TENM1: variants seen among roughly 807,000 people sequenced by gnomAD.
TENM1 encodes teneurin transmembrane protein 1, also known as teneurin-1.
In TENM1, 35 loss-of-function variants were observed where a neutral mutation model predicts 174.8. That is an observed-to-expected ratio of 0.20 (90% CI 0.15 to 0.27). TENM1 has a LOEUF of 0.27. Ranked by LOEUF, TENM1 falls within the 10% of genes least tolerant of loss-of-function variation. TENM1 has a pLI of 1.00. For missense variants in TENM1, 1,633 were observed against 2,130.1 expected (o/e 0.77, Z 4.59); for synonymous variants, 781 against 798.7 (o/e 0.98, Z 0.37).
chrX:125,020,120 C>T, the TENM1 span, among the ~76,000 whole-genome samples: 3 of 111,187 alleles, frequency 2.7e-5, no homozygotes, highest in Admixed American at 2.9e-4. Flanking sequence ...TCCATCCACA[C>T]TAGCAGGAGT....
chrX:124,497,136 T>C, exon 20 of TENM1: 1 of 1,210,424 alleles, frequency 8.3e-7, no homozygotes, highest in Non-Finnish European at 1.1e-6. Flanking sequence ...AAAGAGTTTG[T>C]TGTTGTGGGC....
chrX:125,144,653 G>A, the TENM1 span, among the ~76,000 whole-genome samples: 2 of 111,708 alleles, frequency 1.8e-5, no homozygotes, highest in Admixed American at 1.9e-4. Flanking sequence ...TCCACATCTG[G>A]AGGTAACGAA....
At chrX:124,916,499 A>G (rs2147659966) in intron 1 of TENM1, among the ~76,000 whole-genome samples, 1 of 110,948 alleles carries the variant, frequency 9.0e-6, no homozygotes. Flanking sequence ...TTTTGTAGAG[A>G]TGGGGGTCTC....
At chrX:124,920,893 T>C (rs994694711) in intron 1 of TENM1, among the ~76,000 whole-genome samples, 1 of 110,023 alleles carries the variant, frequency 9.1e-6, no homozygotes, top group Non-Finnish European at 1.9e-5. Flanking sequence ...CTGTTGTTTA[T>C]GGGCATTCAA....
the TENM1 span, among the ~76,000 whole-genome samples, chrX:125,084,060 G>C: frequency 9.0e-6 from 1 of 111,371 alleles, no homozygotes; most frequent in Non-Finnish European, 1.9e-5. Context: ...ATAGAAGACA[G>C]GAAGGATTTT....
intron 20 of TENM1, among the ~76,000 whole-genome samples, chrX:124,490,756 A>C (rs1003496417): frequency 5.4e-5 from 6 of 112,146 alleles, no homozygotes; most frequent in Non-Finnish European, 1.1e-4. Flanking sequence ...GGTTTTTATA[A>C]AGAATAAATC....
the TENM1 span, among the ~76,000 whole-genome samples, chrX:125,148,373 TA>T: frequency 1.8e-5 from 2 of 111,386 alleles, no homozygotes; most frequent in African/African-American, 6.5e-5. Context: ...GGTTTTCCTG[TA>T]GTCCAATTAT....
At chrX:124,901,896 T>C (rs1321602331) in intron 1 of TENM1, among the ~76,000 whole-genome samples, 1 of 111,794 alleles carries the variant, frequency 8.9e-6, no homozygotes, top group Non-Finnish European at 1.9e-5. Context: ...ACCTGAGAAA[T>C]TTGGGATATA....
chrX:125,176,758 T>G, the TENM1 span, among the ~76,000 whole-genome samples: 1 of 112,081 alleles, frequency 8.9e-6, no homozygotes, highest in Non-Finnish European at 1.9e-5. Flanking sequence ...TGTACTTAAC[T>G]GAAAACCAGC....
At chrX:125,001,436 C>A in the TENM1 span, among the ~76,000 whole-genome samples, 1 of 111,264 alleles carries the variant, frequency 9.0e-6, no homozygotes, top group African/African-American at 3.3e-5. Flanking sequence ...TCTCTAAGTT[C>A]TTTTCTCTGC....
intron 14 of TENM1, among the ~76,000 whole-genome samples, chrX:124,556,753 T>A (rs1437906234): frequency 8.9e-6 from 1 of 111,861 alleles, no homozygotes; most frequent in East Asian, 2.8e-4. Context: ...CCCTCAGTTA[T>A]ATCAGGATGG....
chrX:124,401,685 C>A (rs1177047498), intron 27 of TENM1, among the ~76,000 whole-genome samples: 2 of 111,776 alleles, frequency 1.8e-5, no homozygotes, highest in East Asian at 5.6e-4. Context: ...TTTGCTTTGT[C>A]AAAATTGGAT....
intron 1 of TENM1, among the ~76,000 whole-genome samples, chrX:124,908,393 A>G (rs1386907538): frequency 4.6e-5 from 5 of 109,581 alleles, no homozygotes; most frequent in Non-Finnish European, 9.5e-5. Context: ...TCATTGTTCA[A>G]CTCCCACTTA....
chrX:124,644,995 G>GACCCAA, intron 10 of TENM1, 148 bp downstream of exon 13: 2 of 481,839 alleles, frequency 4.2e-6, no homozygotes, highest in Non-Finnish European at 3.4e-6. Flanking sequence ...GAGCTCCGCT[G>GACCCAA]ACCCAAACCC....
chrX:124,938,583 T>A (rs932545973), intron 1 of TENM1, among the ~76,000 whole-genome samples: 9 of 112,282 alleles, frequency 8.0e-5, no homozygotes, highest in Non-Finnish European at 1.7e-4. Flanking sequence ...TTAATAAATC[T>A]GAATTGGCTC....
intron 14 of TENM1, among the ~76,000 whole-genome samples, chrX:124,559,141 C>T (rs1439584129): frequency 8.9e-6 from 1 of 111,903 alleles, no homozygotes; most frequent in African/African-American, 3.2e-5. Flanking sequence ...AACATTGGCT[C>T]AACCTTAACT....
At chrX:124,593,945 A>G (rs1346431507) in intron 11 of TENM1, among the ~76,000 whole-genome samples, 1 of 112,188 alleles carries the variant, frequency 8.9e-6, no homozygotes, top group Non-Finnish European at 1.9e-5. Flanking sequence ...TGAGGCTAAA[A>G]TGCTTGTGTG....
At chrX:124,997,165 A>T in the TENM1 span, among the ~76,000 whole-genome samples, 5 of 111,556 alleles carry the variant, frequency 4.5e-5, no homozygotes, top group African/African-American at 1.6e-4. Context: ...ATGCCCAATT[A>T]AGAAATTTGA....
At chrX:124,862,246 G>A (rs748993085) in intron 3 of TENM1, among the ~76,000 whole-genome samples, 2 of 111,686 alleles carry the variant, frequency 1.8e-5, no homozygotes, top group African/African-American at 6.5e-5. Flanking sequence ...CCATTGCCCC[G>A]CAAAAGGCAC....
Sources: gnomAD v4.1 joint callset for allele counts (sites outside exome capture counted in the v4.1 genomes callset) on GRCh38, gnomAD v4.1.1 for gene constraint, MANE v1.5 for transcripts, NCBI Gene and HGNC (gene_info 2026-07-23, HGNC 2026-07-21) for gene names.